The following ADK variants were observed in gnomAD, a reference collection of about 807,000 sequenced individuals.
ADK encodes the protein N6,N6-dimethyladenosine kinase.
Under a neutral mutation model 44.7 loss-of-function variants are expected in ADK, and 24 were observed. The ratio of observed to expected loss-of-function variants is 0.54; its 90% CI spans 0.39 to 0.76. The LOEUF (loss-of-function observed/expected upper bound fraction) is 0.76, where lower values mean the gene tolerates loss of function less well. Ranked by LOEUF, ADK falls within the 30% of genes least tolerant of loss-of-function variation. The probability of loss-of-function intolerance (pLI) is 0.00; values close to 1 mark genes in which losing one functional copy is unlikely to be tolerated. For synonymous variants in ADK, 128 were observed against 142.6 expected (o/e 0.90, Z 0.73); for missense variants, 321 against 425.1 (o/e 0.76, Z 2.15).
At chr10:74,549,357 G>A (rs1159790990) in intron 7 of ADK, among the ~76,000 whole-genome samples, 1 of 151,958 alleles carries the variant, frequency 6.6e-6, no homozygotes, top group Non-Finnish European at 1.5e-5. Context: ...AACACTCTTT[G>A]GACTATTACA....
At chr10:74,339,467 C>G (rs1841516422) in intron 4 of ADK, among the ~76,000 whole-genome samples, 1 of 152,158 alleles carries the variant, frequency 6.6e-6, no homozygotes, top group Admixed American at 6.5e-5. Flanking sequence ...ACATTCTTTT[C>G]CTTCACTTTA....
intron 3 of ADK, among the ~76,000 whole-genome samples, chr10:74,244,958 T>C (rs1845361410): frequency 6.6e-6 from 1 of 152,226 alleles, no homozygotes; most frequent in Non-Finnish European, 1.5e-5. Context: ...AAAGTGTTTC[T>C]AGGATTTTAA....
At chr10:74,447,091 T>C (rs1234080549) in intron 6 of ADK, among the ~76,000 whole-genome samples, 2 of 152,116 alleles carry the variant, frequency 1.3e-5, no homozygotes, top group Non-Finnish European at 2.9e-5. Flanking sequence ...TTATGTTCAG[T>C]AGTTGGTGCT....
At chr10:74,612,210 G>C (rs1331685774) in intron 9 of ADK, among the ~76,000 whole-genome samples, 1 of 152,050 alleles carries the variant, frequency 6.6e-6, no homozygotes, top group African/African-American at 2.4e-5. Flanking sequence ...GCATTTCTCT[G>C]ATTATTAGTG....
At chr10:74,603,165 C>A (rs1355786128) in intron 9 of ADK, among the ~76,000 whole-genome samples, 1 of 152,016 alleles carries the variant, frequency 6.6e-6, no homozygotes, top group Non-Finnish European at 1.5e-5. Context: ...GGGAAAGTGT[C>A]CCTTAATTTA....
intron 4 of ADK, among the ~76,000 whole-genome samples, chr10:74,346,213 A>G (rs1486540413): frequency 1.3e-5 from 2 of 152,102 alleles, no homozygotes; most frequent in Non-Finnish European, 2.9e-5. Context: ...TTTTTAATGA[A>G]TCCAAAGTTC....
intron 6 of ADK, among the ~76,000 whole-genome samples, chr10:74,458,143 T>G (rs1467883931): frequency 1.8e-4 from 15 of 81,874 alleles, no homozygotes; most frequent in Admixed American, 1.1e-3. Context: ...TTTTTTTTTT[T>G]TTTGGGGGGA....
At chr10:74,355,033 C>T (rs533652761) in intron 4 of ADK, among the ~76,000 whole-genome samples, 2 of 152,126 alleles carry the variant, frequency 1.3e-5, no homozygotes, top group East Asian at 3.9e-4. Flanking sequence ...TTTTCCCCTT[C>T]TTCTTCTTTT....
At chr10:74,164,895 A>T (rs1405601141) in intron 1 of ADK, among the ~76,000 whole-genome samples, 1 of 152,228 alleles carries the variant, frequency 6.6e-6, no homozygotes, top group Non-Finnish European at 1.5e-5. Context: ...AGTCAAACTC[A>T]AAGATCTTTA....
intron 6 of ADK, among the ~76,000 whole-genome samples, chr10:74,459,857 A>G (rs1846106152): frequency 6.6e-6 from 1 of 152,102 alleles, no homozygotes; most frequent in South Asian, 2.1e-4. Context: ...TGCCATGCCA[A>G]CTTTTATTGG....
intron 6 of ADK, among the ~76,000 whole-genome samples, chr10:74,486,000 A>G (rs1260115361): frequency 6.6e-6 from 1 of 152,190 alleles, no homozygotes; most frequent in Non-Finnish European, 1.5e-5. Flanking sequence ...GACAAATAAG[A>G]TGGGAGAATT....
At chr10:74,427,711 T>A (rs895053479) in intron 6 of ADK, among the ~76,000 whole-genome samples, 1 of 139,814 alleles carries the variant, frequency 7.2e-6, no homozygotes, top group South Asian at 2.4e-4. Flanking sequence ...GCATGTATTT[T>A]TGTATATGTA....
At chr10:74,547,251 GT>G in intron 7 of ADK, among the ~76,000 whole-genome samples, 1 of 151,706 alleles carries the variant, frequency 6.6e-6, no homozygotes, top group Non-Finnish European at 1.5e-5. Context: ...TAGTGATTTT[GT>G]TTTCCAGGAT....
chr10:74,195,546 C>T (rs1045741938), intron 1 of ADK, among the ~76,000 whole-genome samples: 2 of 151,986 alleles, frequency 1.3e-5, no homozygotes, highest in Admixed American at 6.6e-5. Flanking sequence ...TGCAATGGTG[C>T]AATTACAGCT....
intron 7 of ADK, among the ~76,000 whole-genome samples, chr10:74,567,610 A>G (rs1160849695): frequency 6.6e-6 from 1 of 152,088 alleles, no homozygotes; most frequent in Non-Finnish European, 1.5e-5. Flanking sequence ...AACTTTGCCT[A>G]AAATTGTGCC....
chr10:74,283,684 CTTTT>C (rs774619771), intron 3 of ADK, among the ~76,000 whole-genome samples: 2 of 95,578 alleles, frequency 2.1e-5, no homozygotes, highest in African/African-American at 7.7e-5. Flanking sequence ...TTCTTTCTTT[CTTTT>C]TTTTTTTTTT....
At chr10:74,614,030 T>G (rs1325030112) in intron 9 of ADK, among the ~76,000 whole-genome samples, 1 of 152,162 alleles carries the variant, frequency 6.6e-6, no homozygotes, top group Non-Finnish European at 1.5e-5. Context: ...TACTAAGTTA[T>G]TAGCTCATGG....
intron 6 of ADK, among the ~76,000 whole-genome samples, chr10:74,495,934 T>G (rs1050562607): frequency 6.6e-6 from 1 of 152,218 alleles, no homozygotes; most frequent in African/African-American, 2.4e-5. Context: ...TTTAGCTTTC[T>G]TCCCCCTGCT....
chr10:74,595,800 C>G (rs1225706274), intron 8 of ADK, among the ~76,000 whole-genome samples: 1 of 143,562 alleles, frequency 7.0e-6, no homozygotes, highest in African/African-American at 2.6e-5. Context: ...AGTTCGAGAC[C>G]AGCCTGGCCA....
Sources: gnomAD v4.1 joint callset for allele counts (sites outside exome capture counted in the v4.1 genomes callset) on GRCh38, gnomAD v4.1.1 for gene constraint, MANE v1.5 for transcripts, NCBI Gene and HGNC (gene_info 2026-07-23, HGNC 2026-07-21) for gene names.